The following PLEKHG1 variants were observed in gnomAD, a reference collection of about 807,000 sequenced individuals.
PLEKHG1 encodes the protein pleckstrin homology domain-containing family G member 1.
PLEKHG1 carries 44 observed loss-of-function variants against 100.8 expected under a neutral mutation model. The observed-to-expected ratio is 0.44, with a 90% CI of 0.34 to 0.56. The LOEUF is 0.56. Ranked by LOEUF, PLEKHG1 falls within the 20% of genes least tolerant of loss-of-function variation. The probability of loss-of-function intolerance (pLI) is 0.01; values close to 1 mark genes in which losing one functional copy is unlikely to be tolerated. For missense variants in PLEKHG1, 1,545 were observed against 1,720.9 expected (o/e 0.90, Z 1.81); for synonymous variants, 640 against 662.5 (o/e 0.97, Z 0.52).
intron 2 of PLEKHG1, among the ~76,000 whole-genome samples, chr6:150,745,411 A>AGTGGCTCATGCCT (rs1407949085): frequency 6.6e-6 from 1 of 152,214 alleles, no homozygotes; most frequent in Non-Finnish European, 1.5e-5. Context: ...GGCCAGCCAC[A>AGTGGCTCATGCCT]GTGGCTCATG....
chr6:150,822,150 C>CAAAAAAAAAAA (rs58672381), intron 13 of PLEKHG1, among the ~76,000 whole-genome samples: 8 of 36,736 alleles, frequency 2.2e-4, no homozygotes, highest in Admixed American at 5.5e-4. Context: ...CCAAAGGACT[C>CAAAAAAAAAAA]AAAAAAAAAA....
intron 2 of PLEKHG1, among the ~76,000 whole-genome samples, chr6:150,762,356 ATTTTTTT>A (rs35841121): frequency 6.9e-6 from 1 of 145,698 alleles, no homozygotes. Flanking sequence ...AGCCCGGCTA[ATTTTTTT>A]TTTTTTTGTA....
In PLEKHG1 at chr6:150,683,315, A is replaced by G. The variant is rs563762480; in HGVS notation, c.-99+32529A>G. Among the ~76,000 whole-genome samples, 6 of 152,326 alleles carry G rather than the reference A, an allele frequency of 3.9e-5. No homozygotes were observed. Among genetic ancestry groups the G allele is most frequent in the African/African-American group, 1.4e-4 (6 of 41,586 alleles). Reference sequence around the variant, plus strand: ...TGGTCTTTAAACAGCCTTCAGGATGATTCTGGTTTTCTAGATGTGTTTCCT... The same window carrying G: ...TGGTCTTTAAACAGCCTTCAGGATGGTTCTGGTTTTCTAGATGTGTTTCCT... On this transcript the variant is annotated intron_variant, in intron 3 of 3. Transcript: ENST00000367326. This position sits in a 1 kb window ranked among gnomAD's most constrained non-coding sequence, Gnocchi z 4.0.
At chr6:150,800,397 G>A (rs1029661241) in intron 5 of PLEKHG1, among the ~76,000 whole-genome samples, 5 of 152,184 alleles carry the variant, frequency 3.3e-5, no homozygotes, top group Admixed American at 6.5e-5. Flanking sequence ...CAGATTGGGC[G>A]CAGCTAGGGG....
intron 3 of PLEKHG1, among the ~76,000 whole-genome samples, chr6:150,658,445 T>G (rs1355646361): frequency 6.6e-6 from 1 of 152,252 alleles, no homozygotes; most frequent in Non-Finnish European, 1.5e-5. Context: ...TCTTTTGATT[T>G]CTAAAGCATA....
chr6:150,780,138 T>C (rs1785228014), intron 3 of PLEKHG1, among the ~76,000 whole-genome samples: 2 of 42,302 alleles, frequency 4.7e-5, no homozygotes, highest in African/African-American at 4.6e-4. Context: ...TTTTCTTTAA[T>C]TTTTTTTTTT....
chr6:150,673,619 T>TTTCC (rs1353115911), intron 3 of PLEKHG1, among the ~76,000 whole-genome samples: 5 of 151,940 alleles, frequency 3.3e-5, no homozygotes, highest in Admixed American at 2.6e-4. Flanking sequence ...CCTGTCTTTC[T>TTTCC]TTCCTTCCTT....
chr6:150,711,064 G>A (rs903775635), intron 3 of PLEKHG1, among the ~76,000 whole-genome samples: 1 of 152,136 alleles, frequency 6.6e-6, no homozygotes, highest in Non-Finnish European at 1.5e-5. Context: ...GGGAGGAGTG[G>A]GGAGAATATT....
At chr6:150,800,505 C>T (rs1786628731) in intron 5 of PLEKHG1, among the ~76,000 whole-genome samples, 1 of 152,172 alleles carries the variant, frequency 6.6e-6, no homozygotes, top group Non-Finnish European at 1.5e-5. Flanking sequence ...AGCCATGAGC[C>T]CAGGGTGCCA....
At chr6:150,840,689 C>G (rs803400) in exon 16 of PLEKHG1, 2 of 1,614,084 alleles carry the variant, frequency 1.2e-6, no homozygotes, top group African/African-American at 1.3e-5. Flanking sequence ...ATGTCTGCAG[C>G]GGCAACACAT....
intron 3 of PLEKHG1, among the ~76,000 whole-genome samples, chr6:150,771,607 G>A (rs976698940): frequency 5.3e-5 from 8 of 151,648 alleles, no homozygotes; most frequent in East Asian, 3.9e-4. Flanking sequence ...GTGCAGTGGC[G>A]CAGTCTCGGC....
At chr6:150,620,102 T>TTGTCTTTG (rs1395745289) in intron 1 of PLEKHG1, among the ~76,000 whole-genome samples, 2 of 152,260 alleles carry the variant, frequency 1.3e-5, no homozygotes, top group African/African-American at 4.8e-5. Flanking sequence ...TTTTTGTTTT[T>TTGTCTTTG]TGTCTTTGTG....
At chr6:150,793,331 G>C (rs1464590239) in intron 4 of PLEKHG1, among the ~76,000 whole-genome samples, 1 of 152,094 alleles carries the variant, frequency 6.6e-6, no homozygotes, top group Non-Finnish European at 1.5e-5. Context: ...GAGCCTGGGA[G>C]GTTGAGGCTG....
At chr6:150,687,338 A>T (rs373361762) in intron 3 of PLEKHG1, among the ~76,000 whole-genome samples, 101 of 152,270 alleles carry the variant, frequency 6.6e-4, no homozygotes, top group African/African-American at 2.3e-3. Flanking sequence ...GGCAAATTTT[A>T]GTCTAAATTG....
At chr6:150,663,175 C>T (rs1240136536) in intron 3 of PLEKHG1, 2 of 152,134 alleles carry the variant, frequency 1.3e-5, no homozygotes, top group African/African-American at 4.8e-5. Context: ...TTCATTCAGA[C>T]CTGCAATTAA....
chr6:150,635,616 C>T (rs1330019689), intron 1 of PLEKHG1, among the ~76,000 whole-genome samples: 1 of 152,186 alleles, frequency 6.6e-6, no homozygotes, highest in African/African-American at 2.4e-5. Context: ...GTTATTATCA[C>T]ATGCATTTCC....
chr6:150,709,785 G>A (rs576467455), intron 3 of PLEKHG1, among the ~76,000 whole-genome samples: 11 of 152,016 alleles, frequency 7.2e-5, no homozygotes, highest in East Asian at 1.9e-4. Flanking sequence ...TGGTGTTTTC[G>A]TTTGTTTGTT....
At position 150,634,250 on chromosome 6, in the gene PLEKHG1, C is replaced by CAAAAAAA. The variant is rs139347441; in HGVS notation, c.-203-3824_-203-3818dup. ...CAAGAGCAAAACTCGATCTCCCCCC[C>CAAAAAAA]AAAAAAAAAAAAGAAAAAAAGAGGA... On this transcript the variant is annotated intron_variant, in intron 1 of 3. Transcript: ENST00000367326. Among the ~76,000 whole-genome samples, 68 of 120,346 alleles carry CAAAAAAA rather than the reference C, an allele frequency of 5.7e-4. 2 individuals are homozygous for CAAAAAAA. Among genetic ancestry groups the CAAAAAAA allele is most frequent in the African/African-American group, 2.1e-3 (66 of 31,436 alleles). 79.0% of individuals were successfully genotyped at this position (120,346 alleles called of 152,430 possible). A position where few individuals can be genotyped will look rare whatever the true frequency, so the allele number is the denominator to read the frequency against.
chr6:150,659,537 A>G (rs144987232), intron 3 of PLEKHG1, among the ~76,000 whole-genome samples: 1 of 152,326 alleles, frequency 6.6e-6, no homozygotes, highest in East Asian at 1.9e-4. Flanking sequence ...GAGCATATGT[A>G]TACAATGCCT....
Sources: gnomAD v4.1 joint callset for allele counts (sites outside exome capture counted in the v4.1 genomes callset) on GRCh38, gnomAD v4.1.1 for gene constraint, Gnocchi (gnomAD v3.1) non-coding constraint, MANE v1.5 for transcripts, NCBI Gene and HGNC (gene_info 2026-07-23, HGNC 2026-07-21) for gene names.